The following LAMA2 variants were observed in gnomAD, a reference collection of about 807,000 sequenced individuals.
LAMA2 encodes the protein laminin subunit alpha-2.
LAMA2 carries 269 observed loss-of-function variants against 364.8 expected under a neutral mutation model. The ratio of observed to expected loss-of-function variants is 0.74; its 90% CI spans 0.67 to 0.82. LAMA2 has a LOEUF of 0.82. Among genes scored for constraint, LAMA2 ranks in the 40% least tolerant of loss-of-function variants. The pLI is 0.00. For missense variants in LAMA2, 3,807 were observed against 3,873.2 expected (o/e 0.98, Z 0.45); for synonymous variants, 1,379 against 1,370.6 (o/e 1.01, Z -0.14).
chr6:129,357,983 CT>C (rs1777246803), intron 32 of LAMA2, among the ~76,000 whole-genome samples: 1 of 151,948 alleles, frequency 6.6e-6, no homozygotes, highest in Non-Finnish European at 1.5e-5. Flanking sequence ...GTTGTACCCC[CT>C]AAATGTCATC....
At chr6:128,998,256 T>C (rs1242749671) in intron 1 of LAMA2, among the ~76,000 whole-genome samples, 12 of 152,264 alleles carry the variant, frequency 7.9e-5, no homozygotes, top group Admixed American at 5.2e-4. Context: ...ATGAGGGATG[T>C]GGATTTTCAG....
chr6:128,944,883 G>T (rs928828021), intron 1 of LAMA2, among the ~76,000 whole-genome samples: 1 of 152,128 alleles, frequency 6.6e-6, no homozygotes, highest in African/African-American at 2.4e-5. Flanking sequence ...TTCCAAGGGG[G>T]ATGGTGCTAA....
At position 129,320,518 on chromosome 6, in the gene LAMA2, T is replaced by C. The variant is rs764866830; in HGVS notation, c.4059-20T>C. 7.2e-5 allele frequency: 97 copies of C among 1,355,642 alleles called. No homozygotes were observed. The highest frequency in any genetic ancestry group is 9.7e-5 in the Non-Finnish European group (92 of 944,190). The allele number at this position is 1,355,642 out of a possible 1,614,324, so 84.0% of individuals were successfully genotyped here. On this transcript the variant is annotated intron_variant, in intron 27 of 64. Coordinates refer to ENST00000421865, the MANE Select transcript of LAMA2 (RefSeq NM_000426.4). ...TAACTGACTGTCATAGTAATCTAAG[T>C]ACATTCTCGCTGTTTCTAGGATTTC...
At chr6:129,482,032 G>A (rs1011776036) in intron 55 of LAMA2, among the ~76,000 whole-genome samples, 5 of 152,210 alleles carry the variant, frequency 3.3e-5, no homozygotes, top group Admixed American at 6.5e-5. Context: ...CCAGCCGGGT[G>A]TAGTGGCCCA....
At position 129,142,229 on chromosome 6, in the gene LAMA2, A is replaced by G. The variant is rs1006950010; in HGVS notation, c.640-1672A>G. Among the ~76,000 whole-genome samples the G allele has an allele frequency of 1.3e-5, 2 of 152,034 alleles. 1 individual carries two copies. The highest frequency in any genetic ancestry group is 2.9e-5 in the Non-Finnish European group (2 of 67,968). ...GTTTGGGCGGCCATAAGAAAGTTCC[A>G]TAGACTAGGTGGGTTGTAAACAAGA... On this transcript the variant is annotated intron_variant, in intron 4 of 64. Coordinates refer to ENST00000421865, the MANE Select transcript of LAMA2 (RefSeq NM_000426.4).
chr6:129,285,188 A>G (rs1789015915), intron 18 of LAMA2, among the ~76,000 whole-genome samples: 1 of 152,116 alleles, frequency 6.6e-6, no homozygotes, highest in Non-Finnish European at 1.5e-5. Flanking sequence ...CTGACCCTCA[A>G]ATTACTTTTT....
Position 129,223,682 on chromosome 6 carries a change from A to G in LAMA2, c.1783-26430A>G, listed in dbSNP as rs265344. Among the ~76,000 whole-genome samples the G allele has an allele frequency of 4.6e-5, 7 of 152,094 alleles. No homozygotes were observed. In the East Asian group the frequency reaches 1.2e-3, roughly 25 times the overall value. ...GTGTGGTATTATTTCTGAGGGCTCTATTCTGTTCCATTGATCTACATCTCT... is the reference window on the plus strand; with the variant it reads ...GTGTGGTATTATTTCTGAGGGCTCTGTTCTGTTCCATTGATCTACATCTCT... On this transcript the variant is annotated intron_variant, in intron 12 of 64. Transcript: ENST00000421865.
intron 22 of LAMA2, among the ~76,000 whole-genome samples, chr6:129,311,364 G>A (rs1325467270): frequency 2.6e-5 from 4 of 151,934 alleles, no homozygotes; most frequent in Admixed American, 6.5e-5. Context: ...CTTGTGATCC[G>A]CCCTCCTCGG....
chr6:129,316,758 A>C (rs1485780625), intron 27 of LAMA2, among the ~76,000 whole-genome samples: 13 of 152,196 alleles, frequency 8.5e-5, no homozygotes, highest in Non-Finnish European at 1.5e-5. Flanking sequence ...TCTTATGACC[A>C]AAATTGGCCA....
Position 129,190,299 on chromosome 6 carries a change from C to T in LAMA2, c.1562C>T (p.Ser521Leu), listed in dbSNP as rs369760070. The change falls in exon 11 of 65, where the codon TCA (serine) becomes TTA (leucine). Residue 521 changes from serine to leucine, a missense_variant. Ser to Leu is a moderately radical substitution (Grantham distance 145). Around this residue, in one of 3 missense-constraint regions of LAMA2, gnomAD observed 3,333 missense variants for 3,345.7 expected, o/e 1.00. Coordinates refer to ENST00000421865, the MANE Select transcript of LAMA2 (RefSeq NM_000426.4). ...NWKGCDECFC[S>L]GVSNRCQSSY... ...AAAGGCTGCGATGAGTGTTTCTGTTCAGGGGTTTCAAACAGATGTCAGAGT... is the reference window on the plus strand; with the variant it reads ...AAAGGCTGCGATGAGTGTTTCTGTTTAGGGGTTTCAAACAGATGTCAGAGT... 4.3e-5 allele frequency: 70 copies of T among 1,613,468 alleles called. No individual in the cohort carries two copies. The highest frequency in any genetic ancestry group is 1.6e-4 in the Middle Eastern group (1 of 6,082).
chr6:129,367,232 GA>G (rs1777826157), intron 33 of LAMA2, among the ~76,000 whole-genome samples: 1 of 152,192 alleles, frequency 6.6e-6, no homozygotes, highest in South Asian at 2.1e-4. Context: ...GGAAAAAGAT[GA>G]AAGGTGTCAA....
At chr6:129,073,888 C>T (rs548480032) in intron 3 of LAMA2, among the ~76,000 whole-genome samples, 3 of 152,152 alleles carry the variant, frequency 2.0e-5, no homozygotes, top group South Asian at 2.1e-4. Flanking sequence ...CAAGCTTGGT[C>T]GTTTTTGATT....
In LAMA2 at chr6:129,280,077, C is replaced by T. The variant is rs2114390837; in HGVS notation, c.2467C>T (p.His823Tyr). Residue 823 changes from histidine (H) to tyrosine (Y), a missense_variant, in exon 18 of 65, where the codon CAT becomes TAT. His to Tyr is a moderately conservative substitution (Grantham distance 83). Transcript: ENST00000421865. ...IPSNNFSPTC[H>Y]LDRSLGLICD... ...TCAACATAGCTTTAGCCCAACGTGCCATTTAGACCGGAGTCTTGGATTGAT... is the reference window on the plus strand; with the variant it reads ...TCAACATAGCTTTAGCCCAACGTGCTATTTAGACCGGAGTCTTGGATTGAT... The T allele has an allele frequency of 1.2e-6, 2 of 1,612,934 alleles. No individual in the cohort carries two copies. The highest frequency in any genetic ancestry group is 2.2e-5 in the South Asian group (2 of 91,074).
intron 58 of LAMA2, among the ~76,000 whole-genome samples, chr6:129,494,523 C>T (rs1785053921): frequency 6.6e-6 from 1 of 152,220 alleles, no homozygotes; most frequent in Non-Finnish European, 1.5e-5. Flanking sequence ...TGAATAACTA[C>T]TATGTGTCCA....
In LAMA2 at chr6:129,344,893, G is replaced by T. The variant is rs542486978; in HGVS notation, c.4436+2426G>T. Among the ~76,000 whole-genome samples the T allele has an allele frequency of 1.1e-4, 16 of 152,314 alleles. No individual in the cohort carries two copies. In the East Asian group the frequency reaches 2.9e-3, roughly 28 times the overall value. ...CCTGAAGCACATAGAAGCCAATAAC[G>T]TTGGCACTGGCTTCGGAGAAAAGAA... On this transcript the variant is annotated intron_variant, in intron 30 of 64. Transcript: ENST00000421865.
chr6:129,075,132 C>A (rs769714484), intron 3 of LAMA2, among the ~76,000 whole-genome samples: 3 of 151,946 alleles, frequency 2.0e-5, no homozygotes. Context: ...AGCTAATTTA[C>A]ATGTATGTTC....
At chr6:128,927,985 A>C (rs1260622930) in intron 1 of LAMA2, among the ~76,000 whole-genome samples, 14 of 152,234 alleles carry the variant, frequency 9.2e-5, no homozygotes, top group Non-Finnish European at 1.6e-4. Flanking sequence ...TCTGTAAAGT[A>C]CAGGAAATAC....
At chr6:128,909,293 G>C (rs907927394) in intron 1 of LAMA2, among the ~76,000 whole-genome samples, 2 of 152,054 alleles carry the variant, frequency 1.3e-5, no homozygotes, top group Non-Finnish European at 2.9e-5. Flanking sequence ...AGGTCACTCA[G>C]GACTTGCTTT....
intron 60 of LAMA2, among the ~76,000 whole-genome samples, chr6:129,503,856 T>C (rs1313801099): frequency 6.6e-6 from 1 of 152,206 alleles, no homozygotes; most frequent in Non-Finnish European, 1.5e-5. Flanking sequence ...CTGACAGTTA[T>C]TTGGAACAAC....
Sources: allele counts gnomAD v4.1 joint callset (sites outside exome capture counted in the v4.1 genomes callset), GRCh38; gene constraint gnomAD v4.1.1; regional missense constraint gnomAD v4.1.1; transcripts MANE v1.5; gene names NCBI Gene and HGNC (gene_info 2026-07-23, HGNC 2026-07-21).